TBC1D12: variants seen among roughly 807,000 people sequenced by gnomAD.
The protein encoded by TBC1D12 is TBC1 domain family, member 12.
In TBC1D12, 56 loss-of-function variants were observed where a neutral mutation model predicts 86.7. That is an observed-to-expected ratio of 0.65 (90% CI 0.52 to 0.81). TBC1D12 has a LOEUF of 0.81. Ranked by LOEUF, TBC1D12 falls within the 30% of genes least tolerant of loss-of-function variation. The pLI is 0.00. For missense variants in TBC1D12, 1,023 were observed against 1,038.8 expected, an observed-to-expected ratio of 0.98 and a Z score of 0.21; for synonymous variants, 421 against 411.7, an observed-to-expected ratio of 1.02 and a Z score of -0.27.
chr10:94,481,614 A>T (rs192244142), intron 3 of TBC1D12, among the ~76,000 whole-genome samples: 2 of 152,306 alleles, frequency 1.3e-5, no homozygotes, highest in African/African-American at 2.4e-5. Context: ...TGCAAATGTT[A>T]TGGCTGGTTT....
At chr10:94,482,132 C>T (rs11527881) in intron 3 of TBC1D12, among the ~76,000 whole-genome samples, 67,719 of 151,920 alleles carry the variant, frequency 0.45, 15,327 homozygotes, top group East Asian at 0.73. Context: ...CCAATCGTTA[C>T]CTTTTCTGCT....
At chr10:94,520,479 A>G (rs1287216788) in intron 9 of TBC1D12, among the ~76,000 whole-genome samples, 1 of 151,930 alleles carries the variant, frequency 6.6e-6, no homozygotes, top group Non-Finnish European at 1.5e-5. Context: ...TGAATCCGGG[A>G]GGCGGAGGTT....
intron 1 of TBC1D12, among the ~76,000 whole-genome samples, chr10:94,430,665 T>A (rs891639964): frequency 1.3e-5 from 2 of 152,180 alleles, no homozygotes; most frequent in African/African-American, 4.8e-5. Context: ...GAAGCAAATG[T>A]TAACATGTAT....
Position 94,425,312 on chromosome 10 carries a change from A to G in TBC1D12, c.972-16584A>G, listed in dbSNP as rs571407413. 6.6e-5 allele frequency among the ~76,000 whole-genome samples: 10 copies of G among 152,324 alleles called. No individual in the cohort carries two copies. In the South Asian group the frequency reaches 8.3e-4, roughly 13 times the overall value. ...TCTATACCTGAATTGGGAGTGTTCT[A>G]TACTTCAATTGTGATAGTAGTTACA... On this transcript the variant is annotated intron_variant, in intron 1 of 12. Coordinates refer to ENST00000225235, the MANE Select transcript of TBC1D12 (RefSeq NM_015188.2).
chr10:94,439,923 A>G (rs888391885), intron 1 of TBC1D12, among the ~76,000 whole-genome samples: 1 of 152,208 alleles, frequency 6.6e-6, no homozygotes, highest in Non-Finnish European at 1.5e-5. Context: ...AACGTATCAA[A>G]CATTGTTTAA....
chr10:94,480,915 G>T (rs2056068636), intron 3 of TBC1D12, among the ~76,000 whole-genome samples: 1 of 151,136 alleles, frequency 6.6e-6, no homozygotes, highest in East Asian at 1.9e-4. Flanking sequence ...ATTACTTCTT[G>T]ATCCACAGGT....
chr10:94,480,173 T>A (rs2056056073), intron 3 of TBC1D12, among the ~76,000 whole-genome samples: 1 of 152,186 alleles, frequency 6.6e-6, no homozygotes, highest in Non-Finnish European at 1.5e-5. Flanking sequence ...TTTTACCTAA[T>A]GAATAGTTAC....
At chr10:94,412,256 A>G (rs564979730) in intron 1 of TBC1D12, among the ~76,000 whole-genome samples, 1 of 152,368 alleles carries the variant, frequency 6.6e-6, no homozygotes, top group Non-Finnish European at 1.5e-5. Context: ...TATAGTGAAG[A>G]TTCAAATGTT....
rs1224636295 is a variant in TBC1D12 at position 94,533,191 on chromosome 10, A to C, written c.*95A>C. 8 of 679,160 alleles carry C rather than the reference A, an allele frequency of 1.2e-5. No homozygotes were observed. Among genetic ancestry groups the C allele is most frequent in the African/African-American group, 3.7e-5 (2 of 53,888 alleles). 42.1% of individuals were successfully genotyped at this position (679,160 alleles called of 1,614,324 possible). On this transcript the variant is annotated 3_prime_UTR_variant, in exon 13 of 13. Transcript: ENST00000225235. The stretch of plus-strand genomic sequence containing the variant: ...TAAAAGGCGTGGAAGAAAATGTTGG[A>C]GATACCTAAAAGAATCAAGAGGTGG...
chr10:94,518,690 T>G (rs1481256655), intron 9 of TBC1D12, among the ~76,000 whole-genome samples: 1 of 152,248 alleles, frequency 6.6e-6, no homozygotes, highest in Non-Finnish European at 1.5e-5. Flanking sequence ...GAAGAAATTA[T>G]AGAAATAACT....
At chr10:94,459,613 T>C (rs1335892602) in intron 2 of TBC1D12, among the ~76,000 whole-genome samples, 4 of 152,170 alleles carry the variant, frequency 2.6e-5, no homozygotes, top group African/African-American at 9.7e-5. Flanking sequence ...AGCTCGGGCA[T>C]GGCAGACTGC....
intron 1 of TBC1D12, among the ~76,000 whole-genome samples, chr10:94,410,275 C>T (rs2054912776): frequency 6.6e-6 from 1 of 152,192 alleles, no homozygotes; most frequent in African/African-American, 2.4e-5. Context: ...CTTTTCACTG[C>T]ACACTATTTA....
chr10:94,509,519 G>A (rs2056502284), intron 7 of TBC1D12: 2 of 152,416 alleles, frequency 1.3e-5, no homozygotes, highest in Non-Finnish European at 2.9e-5. Context: ...AGTCCCATAG[G>A]GAAAACCAGA....
rs373403876 is a variant in TBC1D12 at position 94,511,671 on chromosome 10, A to G, written c.1761+17A>G. 3.8e-6 allele frequency: 6 copies of G among 1,587,798 alleles called. No homozygotes were observed. The African/African-American group carries it at 5.4e-5, about 14-fold the overall frequency. ...GTTGGTTATGTAAGTATTTGTTTCC[A>G]TCTGTTTTTTGAATATAAGCATTTT... On this transcript the variant is annotated intron_variant, in intron 9 of 12. Transcript: ENST00000225235.
chr10:94,501,602 A>G (rs909894477), intron 6 of TBC1D12: 1 of 151,604 alleles, frequency 6.6e-6, no homozygotes, highest in Non-Finnish European at 1.5e-5. Flanking sequence ...GCTGGAGTGC[A>G]GTGGCGCAGT....
At chr10:94,497,870 T>A (rs371998763) in intron 5 of TBC1D12, among the ~76,000 whole-genome samples, 3 of 149,628 alleles carry the variant, frequency 2.0e-5, no homozygotes, top group African/African-American at 7.4e-5. Flanking sequence ...TTGCCCAGGC[T>A]AGAGTGCAGT....
chr10:94,520,745 C>T (rs937669080), intron 9 of TBC1D12, among the ~76,000 whole-genome samples: 6 of 151,682 alleles, frequency 4.0e-5, no homozygotes, highest in Admixed American at 6.6e-5. Context: ...CTGCAAGCTC[C>T]GCCTCCCAGG....
chr10:94,462,384 G>T lies in TBC1D12; in HGVS notation c.1096-12284G>T, dbSNP rs907848737. On this transcript the variant is annotated intron_variant, in intron 2 of 12. Transcript: ENST00000225235. Reference sequence around the variant, plus strand: ...TTTCCTGTGAAATACAGGATATTTAGTAGTACCCCTGGCCTCTAGGAATTC... The same window carrying T: ...TTTCCTGTGAAATACAGGATATTTATTAGTACCCCTGGCCTCTAGGAATTC... 9.2e-5 allele frequency among the ~76,000 whole-genome samples: 14 copies of T among 152,054 alleles called. 1 individual carries two copies. The highest frequency in any genetic ancestry group is 8.5e-4 in the Admixed American group (13 of 15,270).
At chr10:94,514,141 A>G (rs756660657) in intron 9 of TBC1D12, among the ~76,000 whole-genome samples, 1 of 151,830 alleles carries the variant, frequency 6.6e-6, no homozygotes, top group Non-Finnish European at 1.5e-5. Context: ...TTGGGAGGCC[A>G]AGGTGGGAAG....
Sources: allele counts gnomAD v4.1 joint callset (sites outside exome capture counted in the v4.1 genomes callset), GRCh38; gene constraint gnomAD v4.1.1; transcripts MANE v1.5; gene names NCBI Gene and HGNC (gene_info 2026-07-23, HGNC 2026-07-21).